DUSP22: variants seen among roughly 807,000 people sequenced by gnomAD.
DUSP22 encodes the protein dual specificity protein phosphatase 22.
Under a neutral mutation model 24.5 loss-of-function variants are expected in DUSP22, and 24 were observed. That is an observed-to-expected ratio of 0.98 (90% CI 0.71 to 1.38). The LOEUF is 1.38. Among genes scored for constraint, DUSP22 ranks in the 40% most tolerant of loss-of-function variants. DUSP22 has a pLI of 0.00. For synonymous variants in DUSP22, 160 were observed against 106.4 expected, an observed-to-expected ratio of 1.50 and a Z score of -3.10; for missense variants, 330 against 269.2, an observed-to-expected ratio of 1.23 and a Z score of -1.58.
chr6:309,287 C>A (rs1354213401), intron 2 of DUSP22, among the ~76,000 whole-genome samples: 2 of 152,298 alleles, frequency 1.3e-5, no homozygotes, highest in Non-Finnish European at 2.9e-5. Flanking sequence ...CTTTCTGAGC[C>A]TGATAACTTA....
At position 350,894 on chromosome 6, in the gene DUSP22, C is replaced by G. The variant is rs751054961; in HGVS notation, c.*1943C>G. 11 of 1,613,922 alleles carry G rather than the reference C, an allele frequency of 6.8e-6. No individual in the cohort carries two copies. The highest frequency in any genetic ancestry group is 7.6e-6 in the Non-Finnish European group (9 of 1,179,728). On this transcript the variant is annotated 3_prime_UTR_variant, in exon 7 of 7. Coordinates refer to ENST00000419235, the MANE Select transcript of DUSP22 (RefSeq NM_001286555.3). Reference sequence around the variant, plus strand: ...TGTACCTGAAGTTTCTGAAATATTGCAAACCCACAGAGTTTAGGCTGGTGC... The same window carrying G: ...TGTACCTGAAGTTTCTGAAATATTGGAAACCCACAGAGTTTAGGCTGGTGC...
chr6:325,830 G>C (rs1231394086), intron 3 of DUSP22: 2 of 185,698 alleles, frequency 1.1e-5, no homozygotes, highest in African/African-American at 2.6e-5. Flanking sequence ...CATCTGCCCT[G>C]GGCTTCCGCG....
At chr6:328,984 T>G (rs1362377635) in intron 3 of DUSP22, among the ~76,000 whole-genome samples, 2 of 152,310 alleles carry the variant, frequency 1.3e-5, no homozygotes, top group African/African-American at 2.4e-5. Flanking sequence ...TCTACAAATG[T>G]TATGGGCTAT....
At chr6:312,498 A>G (rs1161273364) in intron 3 of DUSP22, among the ~76,000 whole-genome samples, 2 of 152,296 alleles carry the variant, frequency 1.3e-5, no homozygotes, top group Non-Finnish European at 2.9e-5. Flanking sequence ...CTGCTTGTGC[A>G]CTGATTCCAA....
intron 3 of DUSP22, among the ~76,000 whole-genome samples, chr6:312,742 G>C (rs148793026): frequency 2.1e-3 from 321 of 152,306 alleles, no homozygotes; most frequent in African/African-American, 7.1e-3. Flanking sequence ...ATTTATATTA[G>C]GCAAGAGTAG....
chr6:349,128 C>T lies in DUSP22; in HGVS notation c.*177C>T. ...CCCTGCTCCAGGCCCCTGCACTCCG[C>T]CCACCCCTACCCTGGCTGCACCTGA... On this transcript the variant is annotated 3_prime_UTR_variant, in exon 7 of 7. Coordinates refer to ENST00000419235, the MANE Select transcript of DUSP22 (RefSeq NM_001286555.3). 1 of 1,437,922 alleles carries T rather than the reference C, an allele frequency of 7.0e-7. No homozygotes were observed. The highest frequency in any genetic ancestry group is 9.1e-7 in the Non-Finnish European group (1 of 1,102,346). The allele number at this position is 1,437,922 out of a possible 1,614,324, so 89.1% of individuals were successfully genotyped here.
chr6:350,692 A>C lies in DUSP22; in HGVS notation c.*1741A>C. ...TTCCTAAGCCAAAAATAAATACGTT[A>C]ACAGAAAAATGATTTAGGATATAGC... On this transcript the variant is annotated 3_prime_UTR_variant, in exon 7 of 7. Transcript: ENST00000419235. The C allele has an allele frequency of 6.3e-7, 1 of 1,578,998 alleles. No homozygotes were observed. The highest frequency in any genetic ancestry group is 8.6e-7 in the Non-Finnish European group (1 of 1,162,864).
At chr6:303,091 A>G (rs1446706610) in intron 1 of DUSP22, among the ~76,000 whole-genome samples, 2 of 152,304 alleles carry the variant, frequency 1.3e-5, no homozygotes, top group South Asian at 2.1e-4. Flanking sequence ...CCACATGGCA[A>G]TGATGCTCTC....
intron 3 of DUSP22, among the ~76,000 whole-genome samples, chr6:322,237 G>A (rs1222553991): frequency 6.6e-6 from 1 of 152,304 alleles, no homozygotes; most frequent in Non-Finnish European, 1.5e-5. Flanking sequence ...ACTAGGGAAT[G>A]ATGGTGGGGC....
chr6:341,169 T>G (rs555256688), intron 4 of DUSP22, among the ~76,000 whole-genome samples: 351 of 152,300 alleles, frequency 2.3e-3, no homozygotes, highest in African/African-American at 8.0e-3. Context: ...TTGGTGAGTT[T>G]CTAACGCAAG....
At chr6:348,580 C>A (rs551329137) in intron 6 of DUSP22, 189 bp from the exon 7 acceptor site, 1,054 of 1,046,702 alleles carry the variant, frequency 1.0e-3, no homozygotes, top group Non-Finnish European at 1.2e-3. Flanking sequence ...TAGGCCAGCA[C>A]CTTGAAGGAG....
At chr6:321,893 G>C (rs1255125513) in intron 3 of DUSP22, among the ~76,000 whole-genome samples, 1 of 152,310 alleles carries the variant, frequency 6.6e-6, no homozygotes, top group East Asian at 1.9e-4. Context: ...ATCCAGGGAT[G>C]TGAGTGCTCC....
chr6:318,673 C>T (rs908941210), intron 3 of DUSP22, among the ~76,000 whole-genome samples: 12 of 152,418 alleles, frequency 7.9e-5, no homozygotes, highest in Non-Finnish European at 1.5e-4. Flanking sequence ...TATAGGTTGC[C>T]CTTCTCCAGG....
At chr6:333,971 G>T (rs898611617) in intron 3 of DUSP22, among the ~76,000 whole-genome samples, 1 of 152,308 alleles carries the variant, frequency 6.6e-6, no homozygotes, top group Non-Finnish European at 1.5e-5. Context: ...AGGATTAGGG[G>T]CAGCTACACA....
chr6:321,271 A>G (rs1166068444), intron 3 of DUSP22, among the ~76,000 whole-genome samples: 1 of 152,304 alleles, frequency 6.6e-6, no homozygotes. Context: ...GCTGGACTGG[A>G]AAAGCAGGCT....
chr6:342,007 T>G (rs1759630439), intron 4 of DUSP22, among the ~76,000 whole-genome samples: 1 of 152,306 alleles, frequency 6.6e-6, no homozygotes, highest in Admixed American at 6.5e-5. Context: ...GTTGGGGACG[T>G]GCAGATGTCA....
intron 1 of DUSP22, among the ~76,000 whole-genome samples, chr6:294,859 T>C (rs1176322885): frequency 2.0e-5 from 3 of 152,200 alleles, no homozygotes; most frequent in African/African-American, 4.8e-5. Flanking sequence ...TTCAGAAAAG[T>C]GGGGAAAGCA....
intron 1 of DUSP22, among the ~76,000 whole-genome samples, chr6:297,852 G>T (rs1461311209): frequency 6.6e-6 from 1 of 152,308 alleles, no homozygotes; most frequent in Non-Finnish European, 1.5e-5. Flanking sequence ...CCACCTGGCA[G>T]CAGGTGACTT....
At chr6:340,164 A>G (rs1165225387) in intron 4 of DUSP22, among the ~76,000 whole-genome samples, 1 of 152,302 alleles carries the variant, frequency 6.6e-6, no homozygotes, top group Non-Finnish European at 1.5e-5. Context: ...TATCTGGCCA[A>G]ATGAAAAGTA....
Sources: gnomAD v4.1 joint callset for allele counts (sites outside exome capture counted in the v4.1 genomes callset) on GRCh38, gnomAD v4.1.1 for gene constraint, MANE v1.5 for transcripts, NCBI Gene and HGNC (gene_info 2026-07-23, HGNC 2026-07-21) for gene names.